The following DMD variants were observed in gnomAD, a reference collection of about 807,000 sequenced individuals.
DMD encodes dystrophin.
Under a neutral mutation model 330.1 loss-of-function variants are expected in DMD, and 63 were observed. That is an observed-to-expected ratio of 0.19 (90% confidence interval 0.16 to 0.24). The LOEUF (loss-of-function observed/expected upper bound fraction) is 0.24. DMD is among the 10% of genes least tolerant of loss of function. DMD has a pLI of 1.00. For missense variants in DMD, 3,344 were observed against 2,684.1 expected (o/e 1.25, Z -5.43); for synonymous variants, 1,223 against 959.8 (o/e 1.27, Z -5.07).
At chrX:31,286,547 ACTTC>A (rs1330300873) in intron 62 of DMD, among the ~76,000 whole-genome samples, 1 of 112,087 alleles carries the variant, frequency 8.9e-6, no homozygotes, top group Non-Finnish European at 1.9e-5. Context: ...ATAATAGTCT[ACTTC>A]CTTCCTTCTC....
At chrX:32,678,377 T>C (rs1247902170) in intron 9 of DMD, among the ~76,000 whole-genome samples, 1 of 111,935 alleles carries the variant, frequency 8.9e-6, no homozygotes, top group Non-Finnish European at 1.9e-5. Flanking sequence ...TCAACTAAAA[T>C]ATCCAAATAG....
At chrX:31,712,902 T>C (rs2084752876) in intron 52 of DMD, among the ~76,000 whole-genome samples, 1 of 111,361 alleles carries the variant, frequency 9.0e-6, no homozygotes, top group South Asian at 3.8e-4. Context: ...TCCAGCTCAA[T>C]ATATTAATCA....
intron 17 of DMD, among the ~76,000 whole-genome samples, chrX:32,542,654 G>T (rs917063424): frequency 8.9e-6 from 1 of 111,811 alleles, no homozygotes; most frequent in Non-Finnish European, 1.9e-5. Flanking sequence ...ATACAAAAAC[G>T]GGGCACTAGC....
intron 55 of DMD, among the ~76,000 whole-genome samples, chrX:31,570,471 T>A (rs2075749277): frequency 9.0e-6 from 1 of 111,249 alleles, no homozygotes; most frequent in African/African-American, 3.3e-5. Context: ...AGGGGAGGAT[T>A]AAACTCTACA....
chrX:32,313,733 CA>C (rs899268904), intron 41 of DMD, among the ~76,000 whole-genome samples: 8 of 111,576 alleles, frequency 7.2e-5, no homozygotes, highest in African/African-American at 2.6e-4. Flanking sequence ...GTGCAAAAAT[CA>C]CAAGCATTCC....
In DMD at chrX:32,429,387, G is replaced by GTTTTTTTTTTTTTTTTTTTTTTTTTTTTT. The variant is rs10692022; in HGVS notation, c.4071+8853_4071+8854insAAAAAAAAAAAAAAAAAAAAAAAAAAAAA. On this transcript the variant is annotated intron_variant, in intron 29 of 78. Coordinates refer to ENST00000357033, the MANE Select transcript of DMD (RefSeq NM_004006.3). The stretch of plus-strand genomic sequence containing the variant: ...ACCAAGCCTGGATACTTTTTTTTGG[G>GTTTTTTTTTTTTTTTTTTTTTTTTTTTTT]TTTTTTTTTTTTTTTTTTTTTTTTG... Among the ~76,000 whole-genome samples the GTTTTTTTTTTTTTTTTTTTTTTTTTTTTT allele has an allele frequency of 3.4e-4, 15 of 44,200 alleles. 3 individuals carry two copies. The highest frequency in any genetic ancestry group is 4.4e-4 in the African/African-American group (4 of 9,044). The allele number at this position is 44,200 out of a possible 115,157, so 38.4% of individuals were successfully genotyped here.
Position 33,283,789 on chromosome X carries a change from C to T in DMD, c.7+55470G>A, listed in dbSNP as rs192516736. ...ATCCCAGTACTTTGGGAGGCCGAGGCGGGTGGATCACAAGGTCAGGAGATT... is the reference window on the plus strand; with the variant it reads ...ATCCCAGTACTTTGGGAGGCCGAGGTGGGTGGATCACAAGGTCAGGAGATT... On this transcript the variant is annotated intron_variant, in intron 1 of 17. Transcript: ENST00000288447. Among the ~76,000 whole-genome samples the T allele has an allele frequency of 1.2e-4, 13 of 110,355 alleles. No homozygotes were observed. In the East Asian group the frequency reaches 2.3e-3, roughly 19 times the overall value.
chrX:31,260,360 T>G (rs979665512), intron 63 of DMD, among the ~76,000 whole-genome samples: 1 of 112,510 alleles, frequency 8.9e-6, no homozygotes, highest in Non-Finnish European at 1.9e-5. Context: ...ACTGGTGTTT[T>G]CAAACCCTTA....
chrX:33,000,958 TA>T (rs2093265981), intron 2 of DMD, among the ~76,000 whole-genome samples: 5 of 111,558 alleles, frequency 4.5e-5, no homozygotes, highest in Admixed American at 3.8e-4. Flanking sequence ...AATTATTCTA[TA>T]TTTTTTATTA....
At chrX:32,891,924 G>A (rs1477266800) in intron 2 of DMD, among the ~76,000 whole-genome samples, 3 of 110,947 alleles carry the variant, frequency 2.7e-5, no homozygotes, top group East Asian at 5.7e-4. Context: ...ATCCTCTCGC[G>A]TCATAGTTTG....
chrX:32,585,695 G>A (rs1254239590), intron 13 of DMD, among the ~76,000 whole-genome samples: 25 of 25,592 alleles, frequency 9.8e-4, no homozygotes, highest in Admixed American at 7.3e-3. Context: ...GCAGGACTCC[G>A]TCTCAAAAAA....
chrX:32,728,895 GC>G (rs778779147), intron 7 of DMD, among the ~76,000 whole-genome samples: 2 of 111,486 alleles, frequency 1.8e-5, no homozygotes, highest in South Asian at 7.5e-4. Flanking sequence ...TTTCCATCTT[GC>G]CATGCCAAAC....
chrX:31,189,504 T>C lies in DMD; in HGVS notation c.9808-6600A>G, dbSNP rs559594943. On this transcript the variant is annotated intron_variant, in intron 67 of 78. Transcript: ENST00000357033. Reference sequence around the variant, plus strand: ...CCACTTATAAGTGGACCCACACAGTTCAAATCTATGTTTTTCAAGGGTCAA... The same window carrying C: ...CCACTTATAAGTGGACCCACACAGTCCAAATCTATGTTTTTCAAGGGTCAA... 1.9e-4 allele frequency among the ~76,000 whole-genome samples: 21 copies of C among 111,400 alleles called. No individual in the cohort carries two copies. The South Asian group carries it at 8.1e-3, about 43-fold the overall frequency.
At chrX:31,258,680 G>T (rs2050205788) in intron 63 of DMD, among the ~76,000 whole-genome samples, 2 of 111,899 alleles carry the variant, frequency 1.8e-5, no homozygotes, top group African/African-American at 6.5e-5. Flanking sequence ...AAAATTGAGT[G>T]ATGTCACAAG....
At chrX:32,177,685 A>G (rs902997994) in intron 44 of DMD, among the ~76,000 whole-genome samples, 17 of 111,055 alleles carry the variant, frequency 1.5e-4, no homozygotes, top group African/African-American at 5.2e-4. Context: ...TTACTTGCAT[A>G]AAGTCTGACA....
intron 41 of DMD, among the ~76,000 whole-genome samples, chrX:32,332,768 A>C (rs1269029238): frequency 9.0e-6 from 1 of 111,374 alleles, no homozygotes; most frequent in African/African-American, 3.3e-5. Context: ...TCAGATTTAA[A>C]TATGGTTTAT....
chrX:32,493,347 G>A (rs754421674), intron 19 of DMD, among the ~76,000 whole-genome samples: 4 of 111,336 alleles, frequency 3.6e-5, no homozygotes, highest in South Asian at 3.7e-4. Flanking sequence ...AAATATTATC[G>A]TCAACTATTT....
chrX:31,180,469 T>C lies in DMD; in HGVS notation c.9987A>G (p.Leu3329=), dbSNP rs145595228. 4 of 1,183,098 alleles carry C rather than the reference T, an allele frequency of 3.4e-6. No homozygotes were observed. Among genetic ancestry groups the C allele is most frequent in the Admixed American group, 2.2e-5 (1 of 45,710 alleles). ...GGCAGATGTCATAATTAAAGTGCTT[T>C]AGACTCCTGTACCTGATAAAGAGCA... ...CPIIGFRYRS[L]KHFNYDICQS... is the part of the protein sequence containing the mutation. Residue 3329 remains leucine (L), a synonymous_variant, in exon 69 of 79, where the codon CTA becomes CTG. Transcript: ENST00000357033.
intron 1 of DMD, among the ~76,000 whole-genome samples, chrX:33,082,422 A>G (rs188139707): frequency 8.9e-6 from 1 of 112,575 alleles, no homozygotes; most frequent in African/African-American, 3.2e-5. Flanking sequence ...CAGAGAAAGG[A>G]AAATTCAAGA....
Sources: gnomAD v4.1 joint callset for allele counts (sites outside exome capture counted in the v4.1 genomes callset) on GRCh38, gnomAD v4.1.1 for gene constraint, MANE v1.5 for transcripts, NCBI Gene and HGNC (gene_info 2026-07-23, HGNC 2026-07-21) for gene names.